Variants in LAMA5 observed in about 807,000 individuals in gnomAD.
LAMA5 encodes laminin subunit alpha 5, also known as laminin subunit alpha-5.
A neutral mutation model predicts 433.4 loss-of-function variants in LAMA5; 260 were observed. The ratio of observed to expected loss-of-function variants is 0.60; its 90% confidence interval spans 0.54 to 0.66. LAMA5 has a LOEUF of 0.66. Ranked by LOEUF, LAMA5 falls within the 30% of genes least tolerant of loss-of-function variation. The probability of loss-of-function intolerance (pLI) is 0.00; values close to 1 mark genes in which losing one functional copy is unlikely to be tolerated. For missense variants in LAMA5, 5,378 were observed against 5,258.5 expected (o/e 1.02, Z -0.70); for synonymous variants, 2,620 against 2,226.6 (o/e 1.18, Z -4.97).
At position 62,326,699 on chromosome 20, in the gene LAMA5, C is replaced by T. The variant is rs746320156; in HGVS notation, c.5276G>A (p.Arg1759His). The change falls in exon 40 of 80, where the codon CGT (arginine) becomes CAT (histidine). Residue 1759 changes from arginine to histidine, a missense_variant. Transcript: ENST00000252999. ...PAYPTPGHVHRGQLQLVEGNF... is the reference protein window; with the variant it reads ...PAYPTPGHVHHGQLQLVEGNF... The stretch of plus-strand genomic sequence containing the variant: ...CACCTCCACCAGCTGCAGCTGCCCA[C>T]GGTGAACGTGGCCAGGCGTGGGGTA... 63 of 1,612,694 alleles carry T rather than the reference C, an allele frequency of 3.9e-5. No individual in the cohort carries two copies. The highest frequency in any genetic ancestry group is 2.7e-4 in the East Asian group (12 of 44,872).
Position 62,324,019 on chromosome 20 carries a change from G to C in LAMA5, c.5768+61C>G. The C allele has an allele frequency of 6.9e-7, 1 of 1,450,794 alleles. No homozygotes were observed. Among genetic ancestry groups the C allele is most frequent in the Non-Finnish European group, 9.1e-7 (1 of 1,097,796 alleles). 89.9% of individuals were successfully genotyped at this position (1,450,794 alleles called of 1,614,324 possible). On this transcript the variant is annotated intron_variant, in intron 43 of 79. Transcript: ENST00000252999. This position sits in a 1 kb window ranked among gnomAD's most constrained non-coding sequence, Gnocchi z 4.4. ...GCAGAGGGCAGTGGGAACCCACCCC[G>C]CTGCTGGGTGAAGGGAGCCTGGCAC...
Position 62,319,026 on chromosome 20 carries a change from G to C in LAMA5, c.6872-13C>G, listed in dbSNP as rs771207317. The C allele has an allele frequency of 7.9e-5, 123 of 1,552,058 alleles. No individual in the cohort carries two copies. The highest frequency in any genetic ancestry group is 9.6e-5 in the Non-Finnish European group (111 of 1,151,330). Reference sequence around the variant, plus strand: ...TGGGACATGAGCTCTGTGGGGCAGGGGTTCGTCAGAGCCTGGGGCCGCCCG... The same window carrying C: ...TGGGACATGAGCTCTGTGGGGCAGGCGTTCGTCAGAGCCTGGGGCCGCCCG... On this transcript the variant is annotated splice_polypyrimidine_tract_variant and intron_variant, in intron 51 of 79. Coordinates refer to ENST00000252999, the MANE Select transcript of LAMA5 (RefSeq NM_005560.6).
Position 62,311,518 on chromosome 20 carries a change from G to T in LAMA5, c.9825C>A (p.Arg3275=). The part of the protein sequence containing the change: ...VFVQRLLGPQ[R]VFDLQQNLGS... ...CCAGGTTCTGCTGCAGATCAAATAC[G>T]CGCTGTGGGCCCAGGAGCCTGTGCA... The change falls in exon 72 of 80, where the codon CGC becomes CGA. Residue 3275 remains arginine (R), a synonymous_variant. Coordinates refer to ENST00000252999, the MANE Select transcript of LAMA5 (RefSeq NM_005560.6). 1 of 1,610,106 alleles carries T rather than the reference G, an allele frequency of 6.2e-7. No individual in the cohort carries two copies. The highest frequency in any genetic ancestry group is 8.5e-7 in the Non-Finnish European group (1 of 1,178,224).
At position 62,360,992 on chromosome 20, in the gene LAMA5, G is replaced by A. The variant is rs569966107; in HGVS notation, c.450+1408C>T. 3.3e-5 allele frequency among the ~76,000 whole-genome samples: 5 copies of A among 152,258 alleles called. No individual in the cohort carries two copies. The East Asian group carries it at 9.7e-4, about 29-fold the overall frequency. On this transcript the variant is annotated intron_variant, in intron 2 of 79. Transcript: ENST00000252999. ...CCCACTGGCTCTGCAGCCACCCTGG[G>A]GTTGCCGTGGAGACTGGGCCATCTC...
intron 2 of LAMA5, 36 bp from the exon 3 acceptor site, chr20:62,353,287 GC>G (rs2146318109): frequency 6.9e-7 from 1 of 1,445,266 alleles, no homozygotes; most frequent in East Asian, 2.4e-5. Flanking sequence ...AGCCAGGGGC[GC>G]CTGGATTCCC....
Position 62,322,182 on chromosome 20 carries a change from C to A in LAMA5, c.6347-14G>T. 1 of 1,584,214 alleles carries A rather than the reference C, an allele frequency of 6.3e-7. No homozygotes were observed. Among genetic ancestry groups the A allele is most frequent in the Non-Finnish European group, 8.6e-7 (1 of 1,167,598 alleles). On this transcript the variant is annotated splice_polypyrimidine_tract_variant and intron_variant, in intron 47 of 79. Transcript: ENST00000252999. ...GGCACTGGCAGCCTGTGGTGGGGGG[C>A]TTGGGTGAGCATGGCTGGCCTGGGA...
In LAMA5 at chr20:62,327,919, C is replaced by T. The variant is rs375549205; in HGVS notation, c.4744G>A (p.Ala1582Thr). The part of the protein sequence containing the change: ...PRCRPCDCHE[A>T]GTAPGVCDPL... ...TCACACACGCCAGGCGCAGTGCCCG[C>T]CTCGTGACAGTCACAGGGGCGGCAG... The change falls in exon 36 of 80, where the codon GCG (alanine) becomes ACG (threonine). Residue 1582 changes from alanine to threonine, a missense_variant. By Grantham distance (58) the Ala-to-Thr change is moderately conservative. Coordinates refer to ENST00000252999, the MANE Select transcript of LAMA5 (RefSeq NM_005560.6). The T allele has an allele frequency of 6.2e-7, 1 of 1,612,236 alleles. No homozygotes were observed. Among genetic ancestry groups the T allele is most frequent in the Non-Finnish European group, 8.5e-7 (1 of 1,179,886 alleles).
At chr20:62,349,982 G>A (rs1448180256) in intron 6 of LAMA5, among the ~76,000 whole-genome samples, 2 of 151,538 alleles carry the variant, frequency 1.3e-5, no homozygotes, top group African/African-American at 2.4e-5. Context: ...AAAGGGTGCA[G>A]GGAGAACATG....
chr20:62,328,727 A>T, intron 34 of LAMA5, 117 bp downstream of exon 34: 1 of 1,067,298 alleles, frequency 9.4e-7, no homozygotes, highest in Non-Finnish European at 1.4e-6. Context: ...TGGGGCAGCA[A>T]TGCTGCCCTG....
In LAMA5 at chr20:62,325,309, A is replaced by C; in HGVS notation, c.5529+7T>G. ...CGCCTCGCAGTCTGGTGCTGTCCTA[A>C]CCTCACCTGGCATGAGTCCCCCCGG... On this transcript the variant is annotated splice_region_variant and intron_variant, in intron 41 of 79. Coordinates refer to ENST00000252999, the MANE Select transcript of LAMA5 (RefSeq NM_005560.6). The C allele has an allele frequency of 6.4e-7, 1 of 1,567,102 alleles. No homozygotes were observed. The highest frequency in any genetic ancestry group is 8.7e-7 in the Non-Finnish European group (1 of 1,152,902).
At chr20:62,345,348 T>C (rs1356968503) in intron 11 of LAMA5, 1 of 151,760 alleles carries the variant, frequency 6.6e-6, no homozygotes, top group Non-Finnish European at 1.5e-5. Flanking sequence ...TATTATACTT[T>C]AAGTTTTAGG....
intron 6 of LAMA5, among the ~76,000 whole-genome samples, chr20:62,349,270 CAAAAAAAAAAAA>C (rs35537683): frequency 4.7e-4 from 22 of 46,606 alleles, no homozygotes; most frequent in African/African-American, 2.3e-3. Context: ...GACTCCATCT[CAAAAAAAAAAAA>C]AAAAAAAAAA....
chr20:62,317,272 C>T (rs1022346774), intron 55 of LAMA5, 73 bp downstream of exon 55: 31 of 1,428,164 alleles, frequency 2.2e-5, no homozygotes, highest in Non-Finnish European at 2.9e-5. Flanking sequence ...CCTTCCCAGA[C>T]CAGCTGGCCC....
intron 17 of LAMA5, 135 bp from the exon 18 acceptor site, chr20:62,336,580 T>A: frequency 9.0e-7 from 1 of 1,112,468 alleles, no homozygotes; most frequent in Non-Finnish European, 1.3e-6. Context: ...TCACCTGCAG[T>A]GGGGGCAGAG....
chr20:62,344,309 C>T (rs1273667664), intron 11 of LAMA5, among the ~76,000 whole-genome samples: 1 of 151,822 alleles, frequency 6.6e-6, no homozygotes. Context: ...ATTCCAGAAA[C>T]ACTAAAAAGC....
chr20:62,314,776 CT>C, intron 60 of LAMA5, 22 bp downstream of exon 60: 2 of 1,612,862 alleles, frequency 1.2e-6, no homozygotes, highest in Admixed American at 3.3e-5. Flanking sequence ...TGATGTCCAC[CT>C]TCCCCTGGGA....
rs1300263898 is a variant in LAMA5 at position 62,346,532 on chromosome 20, G to T, written c.1256C>A (p.Pro419His). The change falls in exon 9 of 80, where the codon CCT (proline) becomes CAT (histidine). Residue 419 changes from proline to histidine, a missense_variant. Physicochemically the swap from Pro to His is moderately conservative, Grantham distance 77 (BLOSUM62 -2). Coordinates refer to ENST00000252999, the MANE Select transcript of LAMA5 (RefSeq NM_005560.6). ...GCGGCAGACGTGGGGCGAGTCGAGA[G>T]GGTGGTTGGGAGAGCGGTAGAAGCC... is the stretch of plus-strand genomic sequence containing the variant. ...LPGFYRSPNH[P>H]LDSPHVCRRC... The T allele has an allele frequency of 1.3e-6, 2 of 1,554,152 alleles. No individual in the cohort carries two copies. The highest frequency in any genetic ancestry group is 2.7e-5 in the African/African-American group (2 of 73,180).
At chr20:62,341,729 A>G (rs1285172743) in intron 11 of LAMA5, among the ~76,000 whole-genome samples, 1 of 152,110 alleles carries the variant, frequency 6.6e-6, no homozygotes, top group East Asian at 1.9e-4. Flanking sequence ...CCTCCCAACT[A>G]AAGAAAGAAA....
intron 56 of LAMA5, 31 bp downstream of exon 56, chr20:62,316,851 G>A: frequency 3.3e-6 from 5 of 1,536,514 alleles, no homozygotes; most frequent in Middle Eastern, 2.0e-4. Flanking sequence ...GGGCGCTCCT[G>A]CTGGGGCTGA....
Sources: gnomAD v4.1 joint callset for allele counts (sites outside exome capture counted in the v4.1 genomes callset) on GRCh38, gnomAD v4.1.1 for gene constraint, Gnocchi (gnomAD v3.1) non-coding constraint, MANE v1.5 for transcripts, NCBI Gene and HGNC (gene_info 2026-07-23, HGNC 2026-07-21) for gene names.